The following PRPF19 variants were observed in gnomAD, a reference collection of about 807,000 sequenced individuals.
PRPF19 encodes the protein pre-mRNA-processing factor 19.
Under a neutral mutation model 64.2 loss-of-function variants are expected in PRPF19, and 2 were observed. The observed-to-expected ratio is 0.03, with a 90% CI of 0.01 to 0.10. The LOEUF is 0.10. PRPF19 is among the 10% of genes least tolerant of loss of function. The pLI is 1.00. For missense variants in PRPF19, 314 were observed against 650.0 expected (o/e 0.48, Z 5.62); for synonymous variants, 226 against 251.6 (o/e 0.90, Z 0.96).
In PRPF19 at chr11:60,898,267, C is replaced by T. The variant is rs747084495; in HGVS notation, c.1145G>A (p.Arg382His). 3 of 1,613,294 alleles carry T rather than the reference C, an allele frequency of 1.9e-6. No individual in the cohort carries two copies. The highest frequency in any genetic ancestry group is 2.2e-5 in the East Asian group (1 of 44,888). ...SQIKIWDLKE[R>H]TNVANFPGHS... The stretch of plus-strand genomic sequence containing the variant: ...GCCAGGGAAGTTGGCCACATTAGTA[C>T]GTTCCTACAGTGGCGGTGGGTAGTA... The change falls in exon 14 of 16, where the codon CGT becomes CAT. Residue 382 changes from arginine (R) to histidine (H), a missense_variant. By Grantham distance (29) the Arg-to-His change is conservative. This residue lies in a region of PRPF19 where 175 missense variants were observed against 342.9 expected (regional missense o/e 0.51). Coordinates refer to ENST00000227524, the MANE Select transcript of PRPF19 (RefSeq NM_014502.5). This position sits in a 1 kb window ranked among gnomAD's most constrained non-coding sequence, Gnocchi z 4.6.
rs773144466 is a variant in PRPF19, at chr11:60,903,822, A to G, written c.59T>C (p.Val20Ala). The G allele has an allele frequency of 6.2e-7, 1 of 1,609,266 alleles. No homozygotes were observed. Among genetic ancestry groups the G allele is most frequent in the East Asian group, 2.2e-5 (1 of 44,826 alleles). The change falls in exon 2 of 16, where the codon GTC (valine) becomes GCC (alanine). Residue 20 changes from valine to alanine, a missense_variant. This residue lies in a region of PRPF19 where 66 missense variants were observed against 88.4 expected (regional missense o/e 0.75). Coordinates refer to ENST00000227524, the MANE Select transcript of PRPF19 (RefSeq NM_014502.5). ...CCGCCGCTCATAAACATGATTAGAG[A>G]CAGGGGATACACATGGGTGCTCCGG... is the stretch of plus-strand genomic sequence containing the variant. The part of the protein sequence containing the change: ...EVPEHPCVSP[V>A]SNHVYERRLI...
intron 10 of PRPF19, among the ~76,000 whole-genome samples, chr11:60,899,812 C>T (rs961119793): frequency 6.6e-6 from 1 of 152,098 alleles, no homozygotes; most frequent in Non-Finnish European, 1.5e-5. Context: ...GAGAGAATTT[C>T]GCGTCACTCA....
chr11:60,900,386 A>G (rs1426035391), intron 10 of PRPF19, among the ~76,000 whole-genome samples, 196 bp downstream of exon 10: 1 of 152,228 alleles, frequency 6.6e-6, no homozygotes, highest in Non-Finnish European at 1.5e-5. Flanking sequence ...CCCTGGCTGG[A>G]AGATCACTGC....
chr11:60,902,798 G>A lies in PRPF19; in HGVS notation c.330C>T (p.His110=), dbSNP rs774932524. 7 of 1,614,162 alleles carry A rather than the reference G, an allele frequency of 4.3e-6. No individual in the cohort carries two copies. In the Admixed American group the frequency reaches 5.0e-5, roughly 12 times the overall value. The change falls in exon 4 of 16, where the codon CAC becomes CAT. Residue 110 remains histidine (H), a synonymous_variant. Transcript: ENST00000227524. This position sits in a 1 kb window ranked among gnomAD's most constrained non-coding sequence, Gnocchi z 5.0. ...GGGCAATGACACGGCAGGCGGCATC[G>A]TGCTGGTACAGAGCGTGTGACAGCT... The part of the protein sequence containing the change: ...RQELSHALYQ[H]DAACRVIARL...
At chr11:60,891,322 T>C (rs1855856583) in intron 15 of PRPF19, 59 bp from the exon 16 acceptor site, 2 of 1,240,408 alleles carry the variant, frequency 1.6e-6, no homozygotes, top group South Asian at 1.2e-5. Flanking sequence ...GTCTGAACAC[T>C]GATCCCTAAT....
rs1232622002 is a variant in PRPF19 at position 60,902,807 on chromosome 11, C to T, written c.321G>A (p.Leu107=). The part of the protein sequence containing the change: ...QTTRQELSHA[L]YQHDAACRVI... ...CACGGCAGGCGGCATCGTGCTGGTA[C>T]AGAGCGTGTGACAGCTCTTGGCGGG... Residue 107 remains leucine, a synonymous_variant, in exon 4 of 16, where the codon CTG becomes CTA. Transcript: ENST00000227524. The surrounding 1 kb of genome is among the most constrained non-coding windows in gnomAD (Gnocchi z 5.0). 1 of 1,614,158 alleles carries T rather than the reference C, an allele frequency of 6.2e-7. No individual in the cohort carries two copies. The highest frequency in any genetic ancestry group is 1.7e-5 in the Admixed American group (1 of 60,024).
intron 14 of PRPF19, 42 bp from the exon 15 acceptor site, chr11:60,897,993 G>A (rs1356004698): frequency 6.2e-7 from 1 of 1,610,492 alleles, no homozygotes; most frequent in African/African-American, 1.3e-5. Context: ...AAGGGGAACA[G>A]AAACTATGGG....
Position 60,904,665 on chromosome 11 carries a change from G to A in PRPF19, c.20-804C>T, listed in dbSNP as rs537009814. ...GGATATTACAAAGGATACAGATGAA[G>A]AGGAGCATAGGATGAGGTATGGGAG... On this transcript the variant is annotated intron_variant, in intron 1 of 15. Transcript: ENST00000227524. Among the ~76,000 whole-genome samples the A allele has an allele frequency of 1.4e-3, 211 of 152,180 alleles. 3 individuals are homozygous for A. The highest frequency in any genetic ancestry group is 4.9e-3 in the African/African-American group (202 of 41,526).
Position 60,902,569 on chromosome 11 carries a change from A to T in PRPF19, c.462+14T>A, listed in dbSNP as rs770716969. On this transcript the variant is annotated intron_variant, in intron 5 of 15. Transcript: ENST00000227524. The surrounding 1 kb of genome is among the most constrained non-coding windows in gnomAD (Gnocchi z 5.0). ...ACACAAATGGGCTGCTGGTAAGGGA[A>T]GGGGGACACTTACCACAACACTTGG... 23 of 1,610,842 alleles carry T rather than the reference A, an allele frequency of 1.4e-5. No homozygotes were observed. In the East Asian group the frequency reaches 4.0e-4, roughly 28 times the overall value.
intron 1 of PRPF19, among the ~76,000 whole-genome samples, chr11:60,906,130 C>T (rs975142882): frequency 6.6e-6 from 1 of 152,246 alleles, no homozygotes; most frequent in Non-Finnish European, 1.5e-5. Context: ...ATGAGGCGAC[C>T]GGCCTCAGTA....
intron 1 of PRPF19, 107 bp downstream of exon 1, chr11:60,906,257 C>A (rs1856044832): frequency 6.9e-7 from 1 of 1,452,810 alleles, no homozygotes; most frequent in Non-Finnish European, 9.0e-7. Context: ...CTCCGGAGCG[C>A]CCCATTCCCG....
chr11:60,892,386 T>A (rs1011067046), intron 15 of PRPF19, among the ~76,000 whole-genome samples: 2 of 152,256 alleles, frequency 1.3e-5, no homozygotes, highest in Non-Finnish European at 1.5e-5. Flanking sequence ...TAAGACCCAA[T>A]GCTGAGTGAG....
intron 15 of PRPF19, among the ~76,000 whole-genome samples, chr11:60,896,651 G>A (rs2134859090): frequency 6.6e-6 from 1 of 152,270 alleles, no homozygotes; most frequent in South Asian, 2.1e-4. Flanking sequence ...AGTTTCCTGA[G>A]GCCTCCCGAG....
At position 60,902,154 on chromosome 11, in the gene PRPF19, T is replaced by A. The variant is rs1287427849; in HGVS notation, c.525+249A>T. Among the ~76,000 whole-genome samples, 2 of 152,170 alleles carry A rather than the reference T, an allele frequency of 1.3e-5. No homozygotes were observed. The highest frequency in any genetic ancestry group is 2.9e-5 in the Non-Finnish European group (2 of 68,026). On this transcript the variant is annotated intron_variant, in intron 6 of 15. Transcript: ENST00000227524. The surrounding 1 kb of genome is among the most constrained non-coding windows in gnomAD (Gnocchi z 5.0). ...AAATTCCCACAGCCTGCCTATACAG[T>A]GGATATGATCATATTCTCAGTTTAG...
intron 15 of PRPF19, among the ~76,000 whole-genome samples, chr11:60,891,632 G>C (rs1855859817): frequency 6.6e-6 from 1 of 152,170 alleles, no homozygotes; most frequent in Non-Finnish European, 1.5e-5. Context: ...AGCTCATAGT[G>C]TTCCAACCCC....
At chr11:60,893,032 T>G (rs1268700078) in intron 15 of PRPF19, among the ~76,000 whole-genome samples, 3 of 151,988 alleles carry the variant, frequency 2.0e-5, no homozygotes, top group African/African-American at 7.3e-5. Context: ...CATAATGACA[T>G]GTCAGCGACG....
chr11:60,906,063 T>A (rs1317263406), intron 1 of PRPF19, among the ~76,000 whole-genome samples: 1 of 152,234 alleles, frequency 6.6e-6, no homozygotes, highest in Non-Finnish European at 1.5e-5. Context: ...ACTCCTACAT[T>A]AAGGCTGCTT....
At chr11:60,900,453 T>TC in intron 10 of PRPF19, 129 bp downstream of exon 10, 1 of 732,262 alleles carries the variant, frequency 1.4e-6, no homozygotes, top group Non-Finnish European at 2.3e-6. Context: ...AGTGAGCCCC[T>TC]CCAAGTGCCC....
intron 15 of PRPF19, among the ~76,000 whole-genome samples, chr11:60,893,861 T>C (rs1433515678): frequency 2.7e-5 from 4 of 149,750 alleles, no homozygotes; most frequent in East Asian, 2.0e-4. Flanking sequence ...GGAGGTTGCA[T>C]TGAGCCAAGA....
Sources: gnomAD v4.1 joint callset for allele counts (sites outside exome capture counted in the v4.1 genomes callset) on GRCh38, gnomAD v4.1.1 for gene constraint, gnomAD v4.1.1 regional missense constraint, Gnocchi (gnomAD v3.1) non-coding constraint, MANE v1.5 for transcripts, NCBI Gene and HGNC (gene_info 2026-07-23, HGNC 2026-07-21) for gene names.